STK38: variants seen among roughly 807,000 people sequenced by gnomAD.
The protein encoded by STK38 is serine/threonine-protein kinase 38.
In STK38, 26 loss-of-function variants were observed where a neutral mutation model predicts 59.0. The ratio of observed to expected loss-of-function variants is 0.44; its 90% CI spans 0.32 to 0.61. The LOEUF is 0.61. STK38 is among the 20% of genes least tolerant of loss of function. STK38 has a pLI of 0.04. For synonymous variants in STK38, 175 were observed against 176.6 expected, an observed-to-expected ratio of 0.99 and a Z score of 0.07; for missense variants, 433 against 566.0, an observed-to-expected ratio of 0.76 and a Z score of 2.38.
Position 36,495,730 on chromosome 6 carries a change from A to G in STK38, c.*54T>C. On this transcript the variant is annotated 3_prime_UTR_variant, in exon 14 of 14. Transcript: ENST00000229812. Reference sequence around the variant, plus strand: ...AGCTCTTCAAGAGTGTGAGAGGAAAAGCATGATGTTATACAAAGAACTCTG... The same window carrying G: ...AGCTCTTCAAGAGTGTGAGAGGAAAGGCATGATGTTATACAAAGAACTCTG... 1 of 1,607,826 alleles carries G rather than the reference A, an allele frequency of 6.2e-7. No individual in the cohort carries two copies. Among genetic ancestry groups the G allele is most frequent in the Non-Finnish European group, 8.5e-7 (1 of 1,175,834 alleles).
At chr6:36,524,857 T>G (rs1450383648) in intron 3 of STK38, among the ~76,000 whole-genome samples, 1 of 152,276 alleles carries the variant, frequency 6.6e-6, no homozygotes, top group Non-Finnish European at 1.5e-5. Flanking sequence ...TTTCTGTTAT[T>G]TCTACAAGTA....
chr6:36,539,776 G>A (rs1777887407), intron 2 of STK38, among the ~76,000 whole-genome samples: 1 of 132,598 alleles, frequency 7.5e-6, no homozygotes, highest in African/African-American at 2.8e-5. Context: ...TTAAGATACA[G>A]AGTCTCAGTG....
chr6:36,546,449 G>A (rs1011936268), intron 1 of STK38, among the ~76,000 whole-genome samples: 1 of 152,162 alleles, frequency 6.6e-6, no homozygotes, highest in Non-Finnish European at 1.5e-5. Flanking sequence ...GGCAGGGTGA[G>A]CTCAAAGGGT....
chr6:36,520,907 C>T (rs891687557), intron 5 of STK38, among the ~76,000 whole-genome samples: 4 of 152,142 alleles, frequency 2.6e-5, no homozygotes, highest in Admixed American at 2.6e-4. Flanking sequence ...CTCCATCCCC[C>T]CTCTTTGGCC....
In STK38 at chr6:36,507,553, G is replaced by C; in HGVS notation, c.719C>G (p.Ala240Gly). Residue 240 changes from alanine to glycine, a missense_variant, in exon 8 of 14, where the codon GCA (alanine) becomes GGA (glycine). By Grantham distance (60) the Ala-to-Gly change is moderately conservative. Transcript: ENST00000229812. ...ATTCCTATAAAATTCTGTCCTATGT[G>C]CTTTTTTCAGTCCTGTGCAAAGACC... ...DFGLCTGLKK[A>G]HRTEFYRNLN... The C allele has an allele frequency of 6.2e-7, 1 of 1,614,030 alleles. No homozygotes were observed. The highest frequency in any genetic ancestry group is 2.2e-5 in the East Asian group (1 of 44,872).
chr6:36,530,418 GCAGTGGTACTATCTCGGCT>G (rs757470176), intron 2 of STK38, among the ~76,000 whole-genome samples: 2 of 151,012 alleles, frequency 1.3e-5, no homozygotes, highest in Non-Finnish European at 2.9e-5. Context: ...AGGCTGAAGT[GCAGTGGTACTATCTCGGCT>G]CACTGCAACC....
At chr6:36,535,087 A>G (rs1212511470) in intron 2 of STK38, among the ~76,000 whole-genome samples, 3 of 152,214 alleles carry the variant, frequency 2.0e-5, no homozygotes, top group Non-Finnish European at 2.9e-5. Flanking sequence ...AAATAGATTA[A>G]CAAGACATGT....
chr6:36,517,676 G>A lies in STK38; in HGVS notation c.514+41C>T, dbSNP rs779310533. The A allele has an allele frequency of 3.1e-6, 5 of 1,604,918 alleles. No individual in the cohort carries two copies. The South Asian group carries it at 4.4e-5, about 14-fold the overall frequency. The stretch of plus-strand genomic sequence containing the variant: ...CGTGATGTGAGAGAAAGAAACCACA[G>A]AACAAAAAGAAAAAATGACCTTTCA... On this transcript the variant is annotated intron_variant, in intron 6 of 13. Coordinates refer to ENST00000229812, the MANE Select transcript of STK38 (RefSeq NM_007271.4).
At chr6:36,528,262 G>A (rs1777581777) in intron 2 of STK38, among the ~76,000 whole-genome samples, 1 of 152,202 alleles carries the variant, frequency 6.6e-6, no homozygotes, top group Non-Finnish European at 1.5e-5. Context: ...AAGGAGTGAT[G>A]TGATAAGATT....
intron 11 of STK38, 140 bp downstream of exon 11, chr6:36,498,223 T>C (rs1337490373): frequency 1.3e-5 from 16 of 1,225,544 alleles, no homozygotes; most frequent in South Asian, 3.0e-5. Context: ...TAAGCCACCA[T>C]GCACAGCCTT....
chr6:36,504,184 G>C (rs965613612), intron 9 of STK38, among the ~76,000 whole-genome samples: 5 of 152,196 alleles, frequency 3.3e-5, no homozygotes, highest in Non-Finnish European at 7.3e-5. Context: ...ACCAAGATTG[G>C]ATGCCTATGT....
intron 2 of STK38, among the ~76,000 whole-genome samples, chr6:36,526,620 T>G (rs1449794730): frequency 6.6e-6 from 1 of 151,876 alleles, no homozygotes; most frequent in East Asian, 2.0e-4. Flanking sequence ...TTAGGCCAGG[T>G]GCAGTGGCTC....
chr6:36,537,305 TTAA>T (rs1299005803), intron 2 of STK38, among the ~76,000 whole-genome samples: 5 of 152,156 alleles, frequency 3.3e-5, no homozygotes, highest in Admixed American at 6.5e-5. Flanking sequence ...CTCTCATATA[TTAA>T]TAATATTTTG....
rs1353660617 is a variant in STK38 at position 36,495,835 on chromosome 6, C to T, written c.1347G>A (p.Glu449=). The change falls in exon 14 of 14, where the codon GAG becomes GAA. Residue 449 remains glutamate, a synonymous_variant. Coordinates refer to ENST00000229812, the MANE Select transcript of STK38 (RefSeq NM_007271.4). ...VFINYTYKRF[E]GLTARGAIPS... ...GTATTGCCCCCCTTGCAGTCAGGCC[C>T]TCAAAGCGCTTGTACGTGTAATTGA... 6.2e-7 allele frequency: 1 copy of T among 1,613,968 alleles called. No homozygotes were observed. The highest frequency in any genetic ancestry group is 2.2e-5 in the East Asian group (1 of 44,892).
At chr6:36,514,154 C>CAAA (rs762095229) in intron 7 of STK38, among the ~76,000 whole-genome samples, 55 of 78,890 alleles carry the variant, frequency 7.0e-4, no homozygotes, top group African/African-American at 1.7e-3. Context: ...GACTCCGTCT[C>CAAA]AAAAAAAAAA....
At chr6:36,520,779 T>A (rs550358462) in intron 5 of STK38, among the ~76,000 whole-genome samples, 1 of 152,312 alleles carries the variant, frequency 6.6e-6, no homozygotes, top group East Asian at 1.9e-4. Context: ...CGGTAACACA[T>A]GAAAATTTGA....
At chr6:36,547,022 G>C (rs1201007965) in intron 1 of STK38, among the ~76,000 whole-genome samples, 168 bp downstream of exon 1, 6 of 152,206 alleles carry the variant, frequency 3.9e-5, no homozygotes, top group South Asian at 2.1e-4. Flanking sequence ...GGGGGAAGAA[G>C]GGGGTTAAGG....
chr6:36,500,684 C>T (rs1471866752), intron 9 of STK38, among the ~76,000 whole-genome samples: 3 of 143,642 alleles, frequency 2.1e-5, no homozygotes, highest in East Asian at 2.1e-4. Context: ...CGCTTGAACC[C>T]GGGAGGCGGA....
chr6:36,497,172 G>A (rs562095823), intron 12 of STK38, among the ~76,000 whole-genome samples: 27 of 152,284 alleles, frequency 1.8e-4, no homozygotes, highest in African/African-American at 6.0e-4. Context: ...GTGCCAAGTA[G>A]GATGGCTAGA....
Sources: allele counts gnomAD v4.1 joint callset (sites outside exome capture counted in the v4.1 genomes callset), GRCh38; gene constraint gnomAD v4.1.1; transcripts MANE v1.5; gene names NCBI Gene and HGNC (gene_info 2026-07-23, HGNC 2026-07-21).